LIPE: variants seen among roughly 807,000 people sequenced by gnomAD.
LIPE encodes the protein hormone-sensitive lipase.
In LIPE, 66 loss-of-function variants were observed where a neutral mutation model predicts 88.5. The observed-to-expected ratio is 0.75, with a 90% CI of 0.61 to 0.91. The LOEUF (loss-of-function observed/expected upper bound fraction) is 0.91. Ranked by LOEUF, LIPE falls within the 40% of genes least tolerant of loss-of-function variation. The pLI, the probability that LIPE is intolerant of heterozygous loss-of-function variation, is 0.00. For synonymous variants in LIPE, 570 were observed against 617.5 expected (o/e 0.92, Z 1.14); for missense variants, 1,346 against 1,434.7 (o/e 0.94, Z 1.00).
At position 42,402,056 on chromosome 19, in the gene LIPE, A is replaced by G; in HGVS notation, c.2987T>C (p.Met996Thr). The change falls in exon 10 of 10, where the codon ATG becomes ACG. Residue 996 changes from methionine (M) to threonine (T), a missense_variant. Physicochemically the swap from Met to Thr is moderately conservative, Grantham distance 81 (BLOSUM62 -1). Coordinates refer to ENST00000244289, the MANE Select transcript of LIPE (RefSeq NM_005357.4). ...VHIVACALDP[M>T]LDDSVMLARR... is the part of the protein sequence containing the mutation. Reference sequence around the variant, plus strand: ...CGCGAGCATGACCGAGTCGTCCAGCATGGGGTCCAGCGCGCACGCCTACGG... The same window carrying G: ...CGCGAGCATGACCGAGTCGTCCAGCGTGGGGTCCAGCGCGCACGCCTACGG... 2 of 1,510,046 alleles carry G rather than the reference A, an allele frequency of 1.3e-6. No individual in the cohort carries two copies. The highest frequency in any genetic ancestry group is 1.8e-6 in the Non-Finnish European group (2 of 1,127,324). The allele number at this position is 1,510,046 out of a possible 1,614,324, so 93.5% of individuals were successfully genotyped here.
At chr19:42,405,705 C>CA (rs1371837713) in intron 7 of LIPE, 144 bp from the exon 8 acceptor site, 2 of 775,724 alleles carry the variant, frequency 2.6e-6, no homozygotes, top group East Asian at 5.4e-5. Flanking sequence ...CGCAGTGGCT[C>CA]ACGCCTGTAG....
At chr19:42,405,111 G>GCCCA (rs1333577582) in intron 8 of LIPE, among the ~76,000 whole-genome samples, 1 of 152,110 alleles carries the variant, frequency 6.6e-6, no homozygotes, top group Non-Finnish European at 1.5e-5. Context: ...CAAGTGATCT[G>GCCCA]CCCACCTTGG....
chr19:42,403,649 C>T (rs1600104425), intron 8 of LIPE, among the ~76,000 whole-genome samples: 2 of 151,760 alleles, frequency 1.3e-5, no homozygotes, highest in South Asian at 2.1e-4. Context: ...GATGGGGTTT[C>T]GCCATGTTGG....
intron 2 of LIPE, among the ~76,000 whole-genome samples, chr19:42,409,157 AAGAC>A (rs1293912643): frequency 6.6e-6 from 1 of 151,990 alleles, no homozygotes; most frequent in East Asian, 1.9e-4. Flanking sequence ...CTGAGGCAGA[AAGAC>A]AGTCAGAGAG....
Position 42,427,293 on chromosome 19 carries a change from C to G in LIPE, c.-144G>C. On this transcript the variant is annotated 5_prime_UTR_variant, in exon 1 of 10. Coordinates refer to ENST00000244289, the MANE Select transcript of LIPE (RefSeq NM_005357.4). ...TTCACTCCATCCTAGCATCACTGGT[C>G]TTCCTTTTTAAGGCAGCTGGCAGTT... 2 of 1,406,748 alleles carry G rather than the reference C, an allele frequency of 1.4e-6. No individual in the cohort carries two copies. Among genetic ancestry groups the G allele is most frequent in the Non-Finnish European group, 1.8e-6 (2 of 1,083,728 alleles). 87.1% of individuals were successfully genotyped at this position (1,406,748 alleles called of 1,614,324 possible).
Position 42,402,790 on chromosome 19 carries a change from C to T in LIPE, c.2784G>A (p.Leu928=), listed in dbSNP as rs756095279. The T allele has an allele frequency of 4.1e-5, 66 of 1,610,516 alleles. No individual in the cohort carries two copies. Among genetic ancestry groups the T allele is most frequent in the Non-Finnish European group, 3.3e-5 (39 of 1,177,362 alleles). The change falls in exon 9 of 10, where the codon CTG becomes CTA. Residue 928 remains leucine (L), a synonymous_variant. Transcript: ENST00000244289. ...AGEEAEAKNE[L]SPMDRGLGVR... is the part of the protein sequence containing the mutation. ...CGCCCAGGCCTCTGTCCATGGGGCT[C>T]AGCTCATTTTTGGCCTCAGCCTCTT...
chr19:42,410,701 C>T lies in LIPE; in HGVS notation c.1025G>A (p.Arg342Gln), dbSNP rs372269002. Reference protein sequence around the residue: ...QRLSGVFAGVREQALGLEPAL... With the variant: ...QRLSGVFAGVQEQALGLEPAL... The stretch of plus-strand genomic sequence containing the variant: ...CGGCTCCAGCCCCAGCGCCTGCTCC[C>T]GTACACCGGCAAAAACGCCTGACAG... The change falls in exon 2 of 10, where the codon CGG becomes CAG. Residue 342 changes from arginine (R) to glutamine (Q), a missense_variant. Arg to Gln is a conservative substitution (Grantham distance 43). Transcript: ENST00000244289. This position sits in a 1 kb window ranked among gnomAD's most constrained non-coding sequence, Gnocchi z 6.1. The T allele has an allele frequency of 2.2e-5, 36 of 1,613,594 alleles. No individual in the cohort carries two copies. The highest frequency in any genetic ancestry group is 4.5e-5 in the East Asian group (2 of 44,882).
intron 1 of LIPE, among the ~76,000 whole-genome samples, chr19:42,415,092 C>T (rs2040460633): frequency 6.6e-6 from 1 of 152,096 alleles, no homozygotes; most frequent in African/African-American, 2.4e-5. Context: ...ATTAGCTGGG[C>T]ATGGTGGTGT....
rs1038582771 is a variant in LIPE at position 42,427,257 on chromosome 19, T to C, written c.-108A>G. Reference sequence around the variant, plus strand: ...CTCATTGATTCCTCATGATGGCACTTCCTCTTGGGTTTCACTCCATCCTAG... The same window carrying C: ...CTCATTGATTCCTCATGATGGCACTCCCTCTTGGGTTTCACTCCATCCTAG... On this transcript the variant is annotated 5_prime_UTR_variant, in exon 1 of 10. Transcript: ENST00000244289. The C allele has an allele frequency of 3.7e-5, 54 of 1,445,110 alleles. 1 individual carries two copies. The highest frequency in any genetic ancestry group is 5.1e-4 in the Middle Eastern group (2 of 3,924). 89.5% of individuals were successfully genotyped at this position (1,445,110 alleles called of 1,614,324 possible).
intron 8 of LIPE, among the ~76,000 whole-genome samples, chr19:42,403,866 A>C (rs1002639107): frequency 2.0e-5 from 3 of 152,142 alleles, no homozygotes; most frequent in Non-Finnish European, 4.4e-5. Flanking sequence ...ACCTGTAGCC[A>C]CATGGATCTG....
rs1349668219 is a variant in LIPE at position 42,401,962 on chromosome 19, C to T, written c.3081G>A (p.Leu1027=). The T allele has an allele frequency of 4.5e-6, 7 of 1,557,856 alleles. No homozygotes were observed. The highest frequency in any genetic ancestry group is 3.9e-4 in the Middle Eastern group (2 of 5,138). ...RVVEDLPHGF[L]TLAALCRETR... ...TCTCGCGGCACAGCGCCGCTAGGGT[C>T]AGGAAGCCGTGCGGCAGGTCCTCCA... The change falls in exon 10 of 10, where the codon CTG becomes CTA. Residue 1027 remains leucine, a synonymous_variant. Transcript: ENST00000244289.
rs1249110980 is a variant in LIPE, at chr19:42,407,032, T to C, written c.2137+142A>G. ...AGGATAAAGTGGCTGAGGTGGAAGA[T>C]TGGGCAGGACCTGGGTGAGCAGGAG... On this transcript the variant is annotated intron_variant, in intron 6 of 9. Coordinates refer to ENST00000244289, the MANE Select transcript of LIPE (RefSeq NM_005357.4). The surrounding 1 kb of genome is among the most constrained non-coding windows in gnomAD (Gnocchi z 5.8). The C allele has an allele frequency of 1.1e-5, 8 of 719,220 alleles. No individual in the cohort carries two copies. Among genetic ancestry groups the C allele is most frequent in the South Asian group, 4.0e-5 (2 of 49,540 alleles). The allele number at this position is 719,220 out of a possible 1,614,324, so 44.6% of individuals were successfully genotyped here.
chr19:42,424,630 C>CA (rs2040674373), intron 1 of LIPE: 2 of 456,226 alleles, frequency 4.4e-6, no homozygotes, highest in Non-Finnish European at 8.8e-6. Context: ...AGAGACAAGA[C>CA]AGACTGGCCT....
In LIPE at chr19:42,402,997, C is replaced by A; in HGVS notation, c.2577G>T (p.Leu859=). Residue 859 remains leucine (L), a synonymous_variant, in exon 9 of 10, where the codon CTG becomes CTT. Transcript: ENST00000244289. The stretch of plus-strand genomic sequence containing the variant: ...TGCCCAGTGGGCCCTGGGGCTGGGC[C>A]AGTGCTGCTTCAGACACACTGCGGC... ...PMRRSVSEAA[L]AQPQGPLGTD... 6.3e-7 allele frequency: 1 copy of A among 1,593,656 alleles called. No individual in the cohort carries two copies. The highest frequency in any genetic ancestry group is 8.5e-7 in the Non-Finnish European group (1 of 1,172,648).
At chr19:42,423,268 A>G (rs764768111) in intron 1 of LIPE, 6 of 458,256 alleles carry the variant, frequency 1.3e-5, no homozygotes, top group South Asian at 1.9e-5. Flanking sequence ...CCTTCTCACA[A>G]TGGATCATCC....
At chr19:42,426,094 G>A (rs1455886340) in intron 1 of LIPE, among the ~76,000 whole-genome samples, 173 bp downstream of exon 1, 8 of 141,042 alleles carry the variant, frequency 5.7e-5, no homozygotes, top group African/African-American at 1.9e-4. Flanking sequence ...GAGCCACTGC[G>A]CCCAGCCTTT....
In LIPE at chr19:42,406,326, C is replaced by T. The variant is rs567105906; in HGVS notation, c.2200G>A (p.Val734Met). ...DSAGGNLCFT[V>M]ALRAAAYGVR... ...CCGTAGGCTGCTGCCCGAAGAGCCA[C>T]GGTGAAGCAGAGGTTCCCGCCTGCA... The change falls in exon 7 of 10, where the codon GTG becomes ATG. Residue 734 changes from valine (V) to methionine (M), a missense_variant. Val to Met is a conservative substitution (Grantham distance 21, BLOSUM62 1). Coordinates refer to ENST00000244289, the MANE Select transcript of LIPE (RefSeq NM_005357.4). This position sits in a 1 kb window ranked among gnomAD's most constrained non-coding sequence, Gnocchi z 5.7. The T allele has an allele frequency of 3.4e-5, 55 of 1,614,150 alleles. No individual in the cohort carries two copies. The East Asian group carries it at 5.8e-4, about 17-fold the overall frequency.
intron 1 of LIPE, among the ~76,000 whole-genome samples, chr19:42,421,434 T>G (rs2040596301): frequency 6.6e-6 from 1 of 152,242 alleles, no homozygotes; most frequent in South Asian, 2.1e-4. Context: ...TGTTTTTCTC[T>G]GTTGTATTTA....
chr19:42,419,988 C>G (rs2147662407), intron 1 of LIPE, among the ~76,000 whole-genome samples: 1 of 151,662 alleles, frequency 6.6e-6, no homozygotes, highest in South Asian at 2.1e-4. Context: ...CTTGGTCTCC[C>G]AAAGTGCTGG....
Sources: allele counts gnomAD v4.1 joint callset (sites outside exome capture counted in the v4.1 genomes callset), GRCh38; gene constraint gnomAD v4.1.1; non-coding constraint Gnocchi (gnomAD v3.1); transcripts MANE v1.5; gene names NCBI Gene and HGNC (gene_info 2026-07-23, HGNC 2026-07-21).